NRXN1: variants seen among roughly 807,000 people sequenced by gnomAD.
NRXN1 encodes neurexin-1.
A neutral mutation model predicts 150.9 loss-of-function variants in NRXN1; 39 were observed. The ratio of observed to expected loss-of-function variants is 0.26; its 90% CI spans 0.20 to 0.34. The LOEUF is 0.34. NRXN1 is among the 10% of genes least tolerant of loss of function. The pLI is 1.00. For missense variants in NRXN1, 1,815 were observed against 1,949.9 expected (o/e 0.93, Z 1.30); for synonymous variants, 924 against 757.0 (o/e 1.22, Z -3.62).
At chr2:51,024,629 G>A (rs762674624) in intron 2 of NRXN1, among the ~76,000 whole-genome samples, 1 of 152,066 alleles carries the variant, frequency 6.6e-6, no homozygotes, top group Admixed American at 6.5e-5. Context: ...GAAATTCATA[G>A]GTGCATAAGT....
At chr2:50,917,058 T>C (rs746649302) in intron 5 of NRXN1, 1 of 151,596 alleles carries the variant, frequency 6.6e-6, no homozygotes, top group Admixed American at 6.6e-5. Context: ...TATTATAAGG[T>C]GAAACTCCGG....
At chr2:50,575,309 A>G (rs1671262177) in intron 8 of NRXN1, among the ~76,000 whole-genome samples, 1 of 152,128 alleles carries the variant, frequency 6.6e-6, no homozygotes. Flanking sequence ...ATTGCTGTGC[A>G]ATCAGCCCTG....
intron 21 of NRXN1, among the ~76,000 whole-genome samples, chr2:49,958,709 A>T (rs1675403554): frequency 6.6e-6 from 1 of 152,200 alleles, no homozygotes. Context: ...CGAGGGCTGG[A>T]AACACAGTAG....
intron 12 of NRXN1, among the ~76,000 whole-genome samples, chr2:50,514,689 G>A (rs905722699): frequency 6.6e-6 from 1 of 152,132 alleles, no homozygotes; most frequent in East Asian, 1.9e-4. Context: ...GAGTGGCTGT[G>A]TTTCAGTAAA....
At chr2:50,435,632 C>A (rs1169927644) in intron 17 of NRXN1, among the ~76,000 whole-genome samples, 8 of 152,044 alleles carry the variant, frequency 5.3e-5, no homozygotes, top group Admixed American at 5.2e-4. Flanking sequence ...TATGGTAGAA[C>A]AATTTAGATT....
chr2:50,828,137 G>A (rs1232314011), intron 5 of NRXN1, among the ~76,000 whole-genome samples: 1 of 151,828 alleles, frequency 6.6e-6, no homozygotes, highest in East Asian at 1.9e-4. Flanking sequence ...TCCCAGACGG[G>A]GTGGTGGCCG....
intron 5 of NRXN1, among the ~76,000 whole-genome samples, chr2:50,789,179 G>A (rs1038038188): frequency 6.6e-6 from 1 of 152,124 alleles, no homozygotes; most frequent in Non-Finnish European, 1.5e-5. Context: ...CATATAGACA[G>A]CTACATCTTT....
At chr2:50,306,110 A>C (rs2074587815) in intron 17 of NRXN1, among the ~76,000 whole-genome samples, 1 of 152,212 alleles carries the variant, frequency 6.6e-6, no homozygotes. Context: ...TTAGACCTCT[A>C]TCTTACAAGA....
At chr2:50,333,192 G>T (rs1308837149) in intron 17 of NRXN1, among the ~76,000 whole-genome samples, 2 of 152,068 alleles carry the variant, frequency 1.3e-5, no homozygotes, top group Admixed American at 1.3e-4. Context: ...CCCCTACGTG[G>T]GTGGCAATAG....
At chr2:50,245,259 G>C (rs374975574) in intron 17 of NRXN1, among the ~76,000 whole-genome samples, 1 of 151,880 alleles carries the variant, frequency 6.6e-6, no homozygotes, top group Non-Finnish European at 1.5e-5. Flanking sequence ...ACCTGGCTGA[G>C]TAGAAAAACA....
intron 17 of NRXN1, among the ~76,000 whole-genome samples, chr2:50,300,798 C>T (rs887210991): frequency 1.3e-5 from 2 of 152,150 alleles, no homozygotes; most frequent in African/African-American, 4.8e-5. Flanking sequence ...CAGGTTCTAG[C>T]GATTATCCTG....
intron 17 of NRXN1, among the ~76,000 whole-genome samples, chr2:50,411,958 G>C (rs1329544169): frequency 2.8e-4 from 43 of 152,212 alleles, no homozygotes; most frequent in Admixed American, 2.0e-4. Context: ...ACTCCATTTT[G>C]TTCTGTACTA....
chr2:50,384,497 C>T (rs530756985), intron 17 of NRXN1, among the ~76,000 whole-genome samples: 1 of 111,358 alleles, frequency 9.0e-6, no homozygotes, highest in East Asian at 2.7e-4. Flanking sequence ...CAGAGCAAGA[C>T]TCCATCTCAA....
chr2:50,598,384 G>T (rs986455251), intron 8 of NRXN1, among the ~76,000 whole-genome samples: 1 of 151,324 alleles, frequency 6.6e-6, no homozygotes, highest in Non-Finnish European at 1.5e-5. Flanking sequence ...GCTTCCTTGA[G>T]CCTCCTCTAT....
intron 19 of NRXN1, among the ~76,000 whole-genome samples, chr2:50,067,376 T>C (rs561345870): frequency 6.6e-6 from 1 of 152,222 alleles, no homozygotes; most frequent in Non-Finnish European, 1.5e-5. Context: ...TTTCATCAGA[T>C]TAATTTGAAA....
chr2:50,664,396 CGTGTGTGTGTGTGTGT>C lies in NRXN1; in HGVS notation c.833-40797_833-40782del, dbSNP rs35702112. ...ACTTTTGAGAATTCAAAGTTTAAAG[CGTGTGTGTGTGTGTGT>C]GTGTGTGTGTGTGTGTGTGTGTGTG... On this transcript the variant is annotated intron_variant, in intron 5 of 22. Coordinates refer to ENST00000401669, the MANE Select transcript of NRXN1 (RefSeq NM_001330078.2). Among the ~76,000 whole-genome samples the C allele has an allele frequency of 5.2e-4, 56 of 108,080 alleles. 1 individual carries two copies. Among genetic ancestry groups the C allele is most frequent in the East Asian group, 2.5e-3 (8 of 3,252 alleles). 70.9% of individuals were successfully genotyped at this position (108,080 alleles called of 152,430 possible).
chr2:49,961,432 C>G (rs1161186029), intron 21 of NRXN1, among the ~76,000 whole-genome samples: 1 of 151,756 alleles, frequency 6.6e-6, no homozygotes, highest in Non-Finnish European at 1.5e-5. Context: ...CTGCCCTGAC[C>G]CTCCATTCTA....
intron 2 of NRXN1, among the ~76,000 whole-genome samples, chr2:50,990,742 G>A (rs979773801): frequency 3.9e-5 from 6 of 152,014 alleles, no homozygotes; most frequent in African/African-American, 1.4e-4. Flanking sequence ...GTCTTGCTGA[G>A]TTTCCTTTTC....
At position 50,706,306 on chromosome 2, in the gene NRXN1, G is replaced by A. The variant is rs1335413181; in HGVS notation, c.833-82691C>T. On this transcript the variant is annotated intron_variant, in intron 5 of 22. Transcript: ENST00000401669. ...ATACCTGCTGGGTTATATAGTCATT[G>A]CCTGTTCTGAGTTTGAGAAGACGGT... Among the ~76,000 whole-genome samples, 8 of 152,232 alleles carry A rather than the reference G, an allele frequency of 5.3e-5. No individual in the cohort carries two copies. In the East Asian group the frequency reaches 1.4e-3, roughly 26 times the overall value.
Sources: gnomAD v4.1 joint callset for allele counts (sites outside exome capture counted in the v4.1 genomes callset) on GRCh38, gnomAD v4.1.1 for gene constraint, MANE v1.5 for transcripts, NCBI Gene and HGNC (gene_info 2026-07-23, HGNC 2026-07-21) for gene names.